The following MYH14 variants were observed in gnomAD, a reference collection of about 807,000 sequenced individuals.
MYH14 encodes myosin heavy chain 14.
In MYH14, 123 loss-of-function variants were observed where a neutral mutation model predicts 255.5. The ratio of observed to expected loss-of-function variants is 0.48; its 90% CI spans 0.42 to 0.56. The LOEUF (loss-of-function observed/expected upper bound fraction) is 0.56, where lower values mean the gene tolerates loss of function less well. Among genes scored for constraint, MYH14 ranks in the 20% least tolerant of loss-of-function variants. MYH14 has a pLI of 0.00. For missense variants in MYH14, 2,423 were observed against 2,802.3 expected (o/e 0.86, Z 3.06); for synonymous variants, 1,095 against 1,161.2 (o/e 0.94, Z 1.16).
chr19:50,260,809 GCGTGTGTGTGCAAGTGTGTGTGCATGCA>G, intron 20 of MYH14, 94 bp downstream of exon 20: 1 of 884,880 alleles, frequency 1.1e-6, no homozygotes, highest in East Asian at 2.8e-5. Context: ...ATGTGTGCAT[GCGTGTGTGTGCAAGTGTGTGTGCATGCA>G]CGTGTGTGCG....
chr19:50,241,156 G>A (rs2033875999), intron 10 of MYH14, among the ~76,000 whole-genome samples: 1 of 152,172 alleles, frequency 6.6e-6, no homozygotes, highest in Admixed American at 6.5e-5. Context: ...ATCAGATGCA[G>A]CCAGGCTTGG....
At chr19:50,282,715 A>G (rs951003469) in intron 33 of MYH14, among the ~76,000 whole-genome samples, 2 of 152,184 alleles carry the variant, frequency 1.3e-5, no homozygotes, top group Non-Finnish European at 2.9e-5. Flanking sequence ...AAAAAAAATA[A>G]AAAATTAAAA....
chr19:50,251,677 A>C (rs1156727773), intron 15 of MYH14, among the ~76,000 whole-genome samples: 1 of 151,986 alleles, frequency 6.6e-6, no homozygotes. Flanking sequence ...TCCTAGGTTC[A>C]AGCAATTCTT....
chr19:50,265,181 C>T lies in MYH14; in HGVS notation c.2695-1696C>T, dbSNP rs566707760. On this transcript the variant is annotated intron_variant, in intron 22 of 42. Transcript: ENST00000642316. The stretch of plus-strand genomic sequence containing the variant: ...AGCCCTTTCGTTAGCATGGTGTCTG[C>T]AGCTGCATCTGAGCTACAGCAGCTG... 1.6e-3 allele frequency among the ~76,000 whole-genome samples: 249 copies of T among 152,264 alleles called. 1 individual carries two copies. The highest frequency in any genetic ancestry group is 5.6e-3 in the African/African-American group (232 of 41,556).
chr19:50,300,657 G>A (rs2036449242), intron 39 of MYH14, among the ~76,000 whole-genome samples: 1 of 113,370 alleles, frequency 8.8e-6, no homozygotes, highest in African/African-American at 2.7e-5. Context: ...GCTGAGGCAG[G>A]AGAATCGCTT....
rs557237074 is a variant in MYH14 at position 50,250,637 on chromosome 19, G to C, written c.1779G>C (p.Pro593=). The C allele has an allele frequency of 6.2e-7, 1 of 1,614,002 alleles. No homozygotes were observed. Among genetic ancestry groups the C allele is most frequent in the South Asian group, 1.1e-5 (1 of 91,082 alleles). The change falls in exon 15 of 43, where the codon CCG becomes CCC. Residue 593 remains proline, a synonymous_variant. Coordinates refer to ENST00000642316, the MANE Select transcript of MYH14 (RefSeq NM_001145809.2). The surrounding 1 kb of genome is among the most constrained non-coding windows in gnomAD (Gnocchi z 5.4). ...GCGGCCACCCCAAGTTCCAGCGGCCGAGGCACCTGCGGGATCAGGCCGACT... is the reference window on the plus strand; with the variant it reads ...GCGGCCACCCCAAGTTCCAGCGGCCCAGGCACCTGCGGGATCAGGCCGACT... ...EQGGHPKFQR[P]RHLRDQADFS...
chr19:50,293,455 T>C lies in MYH14; in HGVS notation c.5346-109T>C. The C allele has an allele frequency of 6.5e-7, 1 of 1,546,270 alleles. No individual in the cohort carries two copies. Among genetic ancestry groups the C allele is most frequent in the Non-Finnish European group, 8.8e-7 (1 of 1,139,838 alleles). On this transcript the variant is annotated intron_variant, in intron 38 of 42. Coordinates refer to ENST00000642316, the MANE Select transcript of MYH14 (RefSeq NM_001145809.2). This position sits in a 1 kb window ranked among gnomAD's most constrained non-coding sequence, Gnocchi z 4.1. ...GGTTAACCTCGGGGCCCCTGGGGTG[T>C]GAGGCTGGGGAGATGCGTGGGGCTA...
intron 10 of MYH14, among the ~76,000 whole-genome samples, chr19:50,238,757 T>G (rs756897959): frequency 3.3e-5 from 5 of 152,008 alleles, no homozygotes; most frequent in Non-Finnish European, 5.9e-5. Context: ...TGGCCTAGGA[T>G]CCTTCATTTA....
In MYH14 at chr19:50,294,694, A is replaced by T. The variant is rs569983630; in HGVS notation, c.5469+1007A>T. 3.2e-3 allele frequency among the ~76,000 whole-genome samples: 488 copies of T among 150,736 alleles called. 4 individuals carry two copies. The highest frequency in any genetic ancestry group is 0.011 in the African/African-American group (458 of 41,222). ...CAGTGAGCTATGATTGTGTCACTGC[A>T]CTCCAGCCTGGGTGACTGGATGACA... On this transcript the variant is annotated intron_variant, in intron 39 of 42. Coordinates refer to ENST00000642316, the MANE Select transcript of MYH14 (RefSeq NM_001145809.2).
intron 39 of MYH14, among the ~76,000 whole-genome samples, chr19:50,301,065 C>T (rs1325906952): frequency 6.6e-6 from 1 of 152,106 alleles, no homozygotes; most frequent in Non-Finnish European, 1.5e-5. Context: ...ATGTACCCAG[C>T]AGAAGGCCTC....
At chr19:50,204,086 G>T (rs577587644) in intron 1 of MYH14, among the ~76,000 whole-genome samples, 14 of 152,358 alleles carry the variant, frequency 9.2e-5, no homozygotes, top group African/African-American at 3.4e-4. Flanking sequence ...ACTGGAAGAG[G>T]CGGAGGGGTA....
intron 33 of MYH14, 32 bp from the exon 34 acceptor site, chr19:50,286,450 T>A: frequency 4.4e-6 from 7 of 1,590,080 alleles, no homozygotes; most frequent in Non-Finnish European, 5.1e-6. Context: ...GCTAATCTAT[T>A]TCCCCCTACC....
intron 24 of MYH14, 90 bp downstream of exon 24, chr19:50,268,457 G>A: frequency 7.3e-7 from 1 of 1,374,966 alleles, no homozygotes; most frequent in Non-Finnish European, 9.8e-7. Context: ...GTGTCTTTGG[G>A]CCATGAATTT....
chr19:50,238,947 A>T (rs2033777605), intron 10 of MYH14, among the ~76,000 whole-genome samples: 1 of 152,120 alleles, frequency 6.6e-6, no homozygotes, highest in African/African-American at 2.4e-5. Flanking sequence ...CAGGAAATCG[A>T]GTTCAGCACA....
chr19:50,237,978 CAG>C (rs2033734344), intron 10 of MYH14, among the ~76,000 whole-genome samples: 1 of 152,092 alleles, frequency 6.6e-6, no homozygotes, highest in Non-Finnish European at 1.5e-5. Context: ...GCCCATGATC[CAG>C]AGAGAGAGGT....
At chr19:50,215,877 G>A (rs1056713688) in intron 2 of MYH14, among the ~76,000 whole-genome samples, 1 of 152,116 alleles carries the variant, frequency 6.6e-6, no homozygotes, top group Non-Finnish European at 1.5e-5. Flanking sequence ...CAGCTAGCTG[G>A]GTGACTAGCA....
intron 11 of MYH14, among the ~76,000 whole-genome samples, chr19:50,245,957 TCCC>T (rs2034101314): frequency 1.2e-5 from 1 of 84,040 alleles, no homozygotes; most frequent in Non-Finnish European, 2.3e-5. Context: ...CCTCCCTCCC[TCCC>T]TCCTTCCCTC....
At chr19:50,242,764 G>A (rs8110646) in intron 10 of MYH14, among the ~76,000 whole-genome samples, 8 of 152,082 alleles carry the variant, frequency 5.3e-5, no homozygotes, top group African/African-American at 1.4e-4. Context: ...GGTCATTTAC[G>A]GTCCTGCGTA....
rs569106702 is a variant in MYH14 at position 50,271,582 on chromosome 19, G to A, written c.3171+36G>A. 37 of 1,589,008 alleles carry A rather than the reference G, an allele frequency of 2.3e-5. No individual in the cohort carries two copies. In the South Asian group the frequency reaches 4.1e-4, roughly 18 times the overall value. On this transcript the variant is annotated intron_variant, in intron 25 of 42. Transcript: ENST00000642316. ...TGAGGGCAGCTGGGAAAGTGGGGATGGGGTGCATTGGTGGGTTAATGAATG... is the reference window on the plus strand; with the variant it reads ...TGAGGGCAGCTGGGAAAGTGGGGATAGGGTGCATTGGTGGGTTAATGAATG...
Sources: allele counts gnomAD v4.1 joint callset (sites outside exome capture counted in the v4.1 genomes callset), GRCh38; gene constraint gnomAD v4.1.1; non-coding constraint Gnocchi (gnomAD v3.1); transcripts MANE v1.5; gene names NCBI Gene and HGNC (gene_info 2026-07-23, HGNC 2026-07-21).